Variants in CCDC120 observed in about 807,000 individuals in gnomAD.
CCDC120 encodes coiled-coil domain containing 120, also known as coiled-coil domain-containing protein 120.
In CCDC120, 16 loss-of-function variants were observed where a neutral mutation model predicts 37.6. That is an observed-to-expected ratio of 0.43 (90% confidence interval 0.29 to 0.65). CCDC120 has a LOEUF of 0.65. Ranked by LOEUF, CCDC120 falls within the 30% of genes least tolerant of loss-of-function variation. The pLI, the probability that CCDC120 is intolerant of heterozygous loss-of-function variation, is 0.18. For missense variants in CCDC120, 650 were observed against 657.4 expected, an observed-to-expected ratio of 0.99 and a Z score of 0.12; for synonymous variants, 309 against 275.4, an observed-to-expected ratio of 1.12 and a Z score of -1.21.
chrX:49,063,800 A>G (rs922016522), intron 4 of CCDC120, 61 bp from the exon 5 acceptor site: 122 of 1,121,423 alleles, frequency 1.1e-4, no homozygotes, highest in Non-Finnish European at 1.4e-4. Context: ...TGGGATCATT[A>G]ATGCTTCACC....
upstream of CCDC120, among the ~76,000 whole-genome samples, chrX:49,057,860 G>GTGGTGGTGA (rs1337736644): frequency 9.0e-6 from 1 of 111,610 alleles, no homozygotes; most frequent in Non-Finnish European, 1.9e-5. Flanking sequence ...GGTGATGGTG[G>GTGGTGGTGA]TGGTGGTGAT....
At chrX:49,059,239 G>C (rs2064854835) in intron 1 of CCDC120, 144 bp downstream of exon 1, 3 of 425,196 alleles carry the variant, frequency 7.1e-6, no homozygotes, top group Non-Finnish European at 8.9e-6. Flanking sequence ...GGTGGTGGTG[G>C]GGGGGTAGGG....
chrX:49,067,644 C>T lies in CCDC120; in HGVS notation c.1530C>T (p.Leu510=), dbSNP rs782685670. 8 of 1,198,310 alleles carry T rather than the reference C, an allele frequency of 6.7e-6. No homozygotes were observed. Among genetic ancestry groups the T allele is most frequent in the Admixed American group, 2.2e-5 (1 of 45,229 alleles). The change falls in exon 10 of 11, where the codon CTC becomes CTT. Residue 510 remains leucine, a synonymous_variant. Transcript: ENST00000603986. ...LPPAAEVPGP[L]SRRDGLLTML... ...CTGCAGCTGAGGTCCCAGGACCCCT[C>T]TCCCGCCGGGATGGGCTCCTCACCA...
At chrX:49,061,335 C>G (rs1253621076) in intron 1 of CCDC120, among the ~76,000 whole-genome samples, 3 of 111,800 alleles carry the variant, frequency 2.7e-5, no homozygotes, top group African/African-American at 9.8e-5. Context: ...AGCACAGACC[C>G]ACAGATCTGA....
chrX:49,054,380 C>T (rs782070912), upstream of CCDC120, among the ~76,000 whole-genome samples: 4 of 111,115 alleles, frequency 3.6e-5, no homozygotes, highest in East Asian at 1.1e-3. Flanking sequence ...TGATTCCTGC[C>T]CTCTAACTTC....
intron 1 of CCDC120, among the ~76,000 whole-genome samples, chrX:49,059,985 G>T (rs1438781266): frequency 8.9e-6 from 1 of 112,417 alleles, no homozygotes; most frequent in African/African-American, 3.2e-5. Context: ...GGGTGTGGGG[G>T]TGTGGGGCGT....
chrX:49,062,760 GT>G, intron 4 of CCDC120, 159 bp downstream of exon 4: 1 of 590,540 alleles, frequency 1.7e-6, no homozygotes, highest in Non-Finnish European at 2.6e-6. Flanking sequence ...GCTTAGATGT[GT>G]TAGAATGAAT....
chrX:49,067,603 TG>T lies in CCDC120; in HGVS notation c.1495del (p.Glu499SerfsTer172). On this transcript the variant is annotated frameshift_variant, in exon 10 of 11. Coordinates refer to ENST00000603986, the MANE Select transcript of CCDC120 (RefSeq NM_001163321.4). LOFTEE classifies it high-confidence loss of function. ...GCCCCGCAGTGGCGGTGGAACAGGC[TG>T]GGGGGAGCTGCCGCCTGCAGCTGAG... ...GLPRSGGGTG[W>X]GELPPAAEVP... The T allele has an allele frequency of 8.4e-7, 1 of 1,183,917 alleles. No homozygotes were observed. The highest frequency in any genetic ancestry group is 1.1e-6 in the Non-Finnish European group (1 of 879,791).
Position 49,063,926 on chromosome X carries a change from C to T in CCDC120, c.354C>T (p.Arg118=), listed in dbSNP as rs2064918162. The change falls in exon 5 of 11, where the codon CGC becomes CGT. Residue 118 remains arginine, a synonymous_variant. Coordinates refer to ENST00000603986, the MANE Select transcript of CCDC120 (RefSeq NM_001163321.4). The part of the protein sequence containing the change: ...LEPGERPQLV[R]RRPPTARAYP... ...CTGGTGAACGGCCCCAGTTGGTCCG[C>T]CGGCGGCCCCCCACAGCCCGCGCCT... 1.7e-6 allele frequency: 2 copies of T among 1,209,621 alleles called. No homozygotes were observed. The highest frequency in any genetic ancestry group is 1.8e-5 in the South Asian group (1 of 56,644).
rs782482732 is a variant in CCDC120 at position 49,067,461 on chromosome X, C to T, written c.1347C>T (p.Pro449=). The part of the protein sequence containing the change: ...TPAFSSRTAG[P]PDPPRAARPS... ...CCTTCTCCTCCCGCACAGCAGGCCC[C>T]CCAGACCCTCCCCGGGCCGCCCGGC... Residue 449 remains proline, a synonymous_variant, in exon 10 of 11, where the codon CCC becomes CCT. Transcript: ENST00000603986. 2.5e-6 allele frequency: 3 copies of T among 1,180,916 alleles called. No homozygotes were observed. Among genetic ancestry groups the T allele is most frequent in the Non-Finnish European group, 3.4e-6 (3 of 879,656 alleles).
upstream of CCDC120, among the ~76,000 whole-genome samples, chrX:49,056,945 G>A (rs782663374): frequency 3.4e-4 from 38 of 111,819 alleles, 1 homozygote; most frequent in South Asian, 0.013. Flanking sequence ...TGTTATCATC[G>A]TCCCCAATTG....
intron 3 of CCDC120, 68 bp from the exon 4 acceptor site, chrX:49,062,400 T>G (rs1602517852): frequency 8.3e-7 from 1 of 1,208,276 alleles, no homozygotes; most frequent in East Asian, 3.0e-5. Context: ...GAAGAGTTGG[T>G]CCCTTGCCCC....
chrX:49,064,685 G>A lies in CCDC120; in HGVS notation c.724+21G>A, dbSNP rs927158132. ...CCAAGGTGAGCATCCCCTGGTGAGG[G>A]TGGGAGAGTGGACACTGGCAAATGG... is the stretch of plus-strand genomic sequence containing the variant. On this transcript the variant is annotated intron_variant, in intron 6 of 10. Coordinates refer to ENST00000603986, the MANE Select transcript of CCDC120 (RefSeq NM_001163321.4). 7 of 1,152,731 alleles carry A rather than the reference G, an allele frequency of 6.1e-6. No individual in the cohort carries two copies. The African/African-American group carries it at 7.0e-5, about 12-fold the overall frequency. The allele number at this position is 1,152,731 out of a possible 1,213,427, so 95.0% of individuals were successfully genotyped here. A position where few individuals can be genotyped will look rare whatever the true frequency, so the allele number is the denominator to read the frequency against.
chrX:49,054,313 C>T (rs1557078105), upstream of CCDC120, among the ~76,000 whole-genome samples: 2 of 111,302 alleles, frequency 1.8e-5, no homozygotes, highest in Non-Finnish European at 3.8e-5. Flanking sequence ...ATCCAGTCTC[C>T]AAACCTCTTC....
chrX:49,065,173 A>G (rs2064938551), intron 7 of CCDC120, 75 bp downstream of exon 7: 1 of 1,016,127 alleles, frequency 9.8e-7, no homozygotes, highest in East Asian at 3.1e-5. Context: ...TCATCCGACC[A>G]CATCCTGCAT....
intron 1 of CCDC120, among the ~76,000 whole-genome samples, chrX:49,060,518 G>A (rs781888270): frequency 1.9e-5 from 2 of 107,437 alleles, no homozygotes; most frequent in Non-Finnish European, 3.8e-5. Context: ...AAGGGGGACC[G>A]TGGATGGAGT....
chrX:49,056,625 CAAAAAA>C (rs56112125), upstream of CCDC120, among the ~76,000 whole-genome samples: 19 of 47,118 alleles, frequency 4.0e-4, no homozygotes, highest in African/African-American at 1.5e-3. Flanking sequence ...GACTCCGTCT[CAAAAAA>C]AAAAAAAAAA....
At position 49,063,522 on chromosome X, in the gene CCDC120, G is replaced by A. The variant is rs921936602; in HGVS notation, c.289-339G>A. On this transcript the variant is annotated intron_variant, in intron 4 of 10. Transcript: ENST00000603986. ...TTACTGTGAATGCCCACAGTGTGCC[G>A]GAAATAATACTACAGCTCAGACCAC... Among the ~76,000 whole-genome samples the A allele has an allele frequency of 1.1e-4, 12 of 111,350 alleles. No homozygotes were observed. In the South Asian group the frequency reaches 1.6e-3, roughly 14 times the overall value.
chrX:49,063,754 G>T, intron 4 of CCDC120, 107 bp from the exon 5 acceptor site: 3 of 886,664 alleles, frequency 3.4e-6, no homozygotes, highest in Non-Finnish European at 4.7e-6. Context: ...TGGTTGCTGA[G>T]CAGGGCCAGG....
Sources: gnomAD v4.1 joint callset for allele counts (sites outside exome capture counted in the v4.1 genomes callset) on GRCh38, gnomAD v4.1.1 for gene constraint, MANE v1.5 for transcripts, NCBI Gene and HGNC (gene_info 2026-07-23, HGNC 2026-07-21) for gene names.